RGPD8: variants seen among roughly 807,000 people sequenced by gnomAD.
RGPD8 encodes RANBP2 like and GRIP domain containing 8.
RGPD8 carries 15 observed loss-of-function variants against 89.1 expected under a neutral mutation model. The ratio of observed to expected loss-of-function variants is 0.17; its 90% CI spans 0.11 to 0.26. The LOEUF is 0.26. Ranked by LOEUF, RGPD8 falls within the 10% of genes least tolerant of loss-of-function variation. RGPD8 has a pLI of 1.00. For synonymous variants in RGPD8, 62 were observed against 420.9 expected (o/e 0.15, Z 10.44); for missense variants, 178 against 1,179.6 (o/e 0.15, Z 12.44).
intron 7 of RGPD8, among the ~76,000 whole-genome samples, chr2:112,411,141 C>CT (rs1230856134): frequency 3.3e-5 from 5 of 152,248 alleles, no homozygotes; most frequent in Non-Finnish European, 7.3e-5. Flanking sequence ...GTAATGAATC[C>CT]TTTTTTTTCC....
At chr2:112,431,767 G>C (rs1379822174) in intron 1 of RGPD8, among the ~76,000 whole-genome samples, 1 of 151,976 alleles carries the variant, frequency 6.6e-6, no homozygotes, top group African/African-American at 2.4e-5. Flanking sequence ...CTCCCAGGTA[G>C]CTGGGACTAC....
At position 112,374,610 on chromosome 2, in the gene RGPD8, TTTC is replaced by T. The variant is rs943411452; in HGVS notation, c.5263+3440_5263+3442del. Among the ~76,000 whole-genome samples the T allele has an allele frequency of 3.0e-4, 38 of 125,004 alleles. 2 individuals are homozygous for T. The East Asian group carries it at 7.0e-3, about 23-fold the overall frequency. 82.0% of individuals were successfully genotyped at this position (125,004 alleles called of 152,430 possible). A position where few individuals can be genotyped will look rare whatever the true frequency, so the allele number is the denominator to read the frequency against. The stretch of plus-strand genomic sequence containing the variant: ...TTACTCTTATGTGACTAGAAGTAGA[TTTC>T]TTCTTTTTTTTTTAATACTGCTTGA... On this transcript the variant is annotated intron_variant, in intron 22 of 22. Coordinates refer to ENST00000302558, the MANE Select transcript of RGPD8 (RefSeq NM_001164463.1).
Position 112,433,119 on chromosome 2 carries a change from C to T in RGPD8, c.72+263G>A, listed in dbSNP as rs1275239149. Among the ~76,000 whole-genome samples the T allele has an allele frequency of 1.7e-5, 2 of 115,542 alleles. 1 individual carries two copies. Among genetic ancestry groups the T allele is most frequent in the Non-Finnish European group, 4.1e-5 (2 of 48,984 alleles). 75.8% of individuals were successfully genotyped at this position (115,542 alleles called of 152,430 possible). On this transcript the variant is annotated intron_variant, in intron 1 of 22. Coordinates refer to ENST00000302558, the MANE Select transcript of RGPD8 (RefSeq NM_001164463.1). ...GCCCTCGGGAGCCATGACCCCTGAC[C>T]CATCGAGGCCGCCGCCGGGCCGGGT...
intron 1 of RGPD8, among the ~76,000 whole-genome samples, chr2:112,426,955 C>T (rs905180795): frequency 1.3e-5 from 2 of 151,730 alleles, no homozygotes; most frequent in Non-Finnish European, 2.9e-5. Context: ...CGCCACCATG[C>T]CCAGCTAATT....
intron 1 of RGPD8, among the ~76,000 whole-genome samples, chr2:112,430,914 G>A (rs1363438811): frequency 6.6e-6 from 1 of 152,132 alleles, no homozygotes; most frequent in Non-Finnish European, 1.5e-5. Flanking sequence ...CCACGATCCC[G>A]CCACAGCACT....
intron 18 of RGPD8, among the ~76,000 whole-genome samples, chr2:112,391,738 T>C (rs1446187289): frequency 8.3e-6 from 1 of 120,512 alleles, no homozygotes; most frequent in African/African-American, 2.9e-5. Flanking sequence ...AACTGTTTTA[T>C]GATAGTTTTA....
intron 1 of RGPD8, among the ~76,000 whole-genome samples, chr2:112,431,132 C>G (rs1229346326): frequency 6.6e-6 from 1 of 152,040 alleles, no homozygotes; most frequent in East Asian, 1.9e-4. Flanking sequence ...GGTGGGTACA[C>G]CTGTGGTCCC....
chr2:112,393,664 G>GA (rs1300938201), intron 18 of RGPD8, among the ~76,000 whole-genome samples: 1 of 5,320 alleles, frequency 1.9e-4, no homozygotes, highest in Non-Finnish European at 2.8e-4. Flanking sequence ...GCTAAAAAGA[G>GA]AAAAAAAAAA....
At position 112,433,412 on chromosome 2, in the gene RGPD8, C is replaced by G. The variant is rs779871367; in HGVS notation, c.42G>C (p.Ser14=). ...GAGGCGACGGGGTGAGACCCAGCAC[C>G]GAGGCGACGTACCGCTCCACATCGG... ...SKADVERYVA[S]VLGLTPSPRQ... Residue 14 remains serine, a synonymous_variant, in exon 1 of 23, where the codon TCG becomes TCC. Transcript: ENST00000302558. The G allele has an allele frequency of 3.7e-6, 6 of 1,610,570 alleles. No individual in the cohort carries two copies. Among genetic ancestry groups the G allele is most frequent in the African/African-American group, 2.7e-5 (2 of 74,728 alleles).
rs562705457 is a variant in RGPD8 at position 112,432,756 on chromosome 2, C to T, written c.72+626G>A. ...GGGCCAGGGCGAGCCCACGAGCGAG[C>T]ACCGTCGGGAACAAACCGGGAGAAA... On this transcript the variant is annotated intron_variant, in intron 1 of 22. Transcript: ENST00000302558. 1,861 of 985,250 alleles carry T rather than the reference C, an allele frequency of 1.9e-3. 4 individuals carry two copies. Among genetic ancestry groups the T allele is most frequent in the Admixed American group, 3.7e-3 (60 of 16,286 alleles). The allele number at this position is 985,250 out of a possible 1,614,324, so 61.0% of individuals were successfully genotyped here.
rs572574748 is a variant in RGPD8, at chr2:112,429,080, A to G, written c.72+4302T>C. On this transcript the variant is annotated intron_variant, in intron 1 of 22. Coordinates refer to ENST00000302558, the MANE Select transcript of RGPD8 (RefSeq NM_001164463.1). Reference sequence around the variant, plus strand: ...GTACTGAAAGAATGAGGGGCAAACCAAAGTGTCTGAGGACAGTTTTGGAGG... The same window carrying G: ...GTACTGAAAGAATGAGGGGCAAACCGAAGTGTCTGAGGACAGTTTTGGAGG... 9.3e-3 allele frequency among the ~76,000 whole-genome samples: 1,418 copies of G among 151,864 alleles called. 15 individuals carry two copies. Among genetic ancestry groups the G allele is most frequent in the African/African-American group, 0.032 (1,321 of 41,442 alleles).
intron 1 of RGPD8, among the ~76,000 whole-genome samples, 164 bp downstream of exon 1, chr2:112,433,218 C>A (rs1302648010): frequency 6.5e-5 from 9 of 138,076 alleles, no homozygotes; most frequent in Admixed American, 6.3e-4. Flanking sequence ...CCCATCGAGG[C>A]CGCCGCCGGG....
At chr2:112,374,786 C>G (rs1573987485) in intron 22 of RGPD8, among the ~76,000 whole-genome samples, 2 of 142,784 alleles carry the variant, frequency 1.4e-5, no homozygotes, top group East Asian at 2.2e-4. Context: ...ATGTCTTTTC[C>G]CACTCTTGTT....
At position 112,413,709 on chromosome 2, in the gene RGPD8, T is replaced by C. The variant is rs548239594; in HGVS notation, c.783-1083A>G. Among the ~76,000 whole-genome samples the C allele has an allele frequency of 4.8e-5, 6 of 125,176 alleles. 1 individual carries two copies. The highest frequency in any genetic ancestry group is 2.0e-4 in the African/African-American group (6 of 29,714). 82.1% of individuals were successfully genotyped at this position (125,176 alleles called of 152,430 possible). A position where few individuals can be genotyped will look rare whatever the true frequency, so the allele number is the denominator to read the frequency against. Reference sequence around the variant, plus strand: ...ATGTATGTAGAGCTGACTTTTTTTGTTTTTGTTTTTGGAGACAGAATCTCA... The same window carrying C: ...ATGTATGTAGAGCTGACTTTTTTTGCTTTTGTTTTTGGAGACAGAATCTCA... On this transcript the variant is annotated intron_variant, in intron 6 of 22. Transcript: ENST00000302558.
At chr2:112,402,518 G>GAAAAGAAAAGAAAAT (rs1558981690) in intron 9 of RGPD8, among the ~76,000 whole-genome samples, 2 of 152,180 alleles carry the variant, frequency 1.3e-5, no homozygotes, top group African/African-American at 4.8e-5. Context: ...GAAAAGAAAA[G>GAAAAGAAAAGAAAAT]AAAAGAAAAG....
At chr2:112,431,698 G>A (rs1258070972) in intron 1 of RGPD8, among the ~76,000 whole-genome samples, 1 of 149,828 alleles carries the variant, frequency 6.7e-6, no homozygotes, top group Non-Finnish European at 1.5e-5. Context: ...GTGCAGTAGC[G>A]CGATCTCGGC....
intron 1 of RGPD8, among the ~76,000 whole-genome samples, chr2:112,429,772 G>T (rs6753575): frequency 0.91 from 138,960 of 152,256 alleles, 63,595 homozygotes; most frequent in Middle Eastern, 0.96. Flanking sequence ...AGAAGCCATC[G>T]GGAAAAAGAA....
At chr2:112,381,617 C>A (rs1678300494) in intron 20 of RGPD8, among the ~76,000 whole-genome samples, 1 of 132,048 alleles carries the variant, frequency 7.6e-6, no homozygotes, top group East Asian at 2.2e-4. Flanking sequence ...CAGATTCCCC[C>A]TAAATTTTGA....
intron 1 of RGPD8, among the ~76,000 whole-genome samples, chr2:112,429,379 G>A (rs533897400): frequency 6.7e-4 from 82 of 121,584 alleles, no homozygotes; most frequent in Non-Finnish European, 1.1e-3. Context: ...TCGCGACACT[G>A]CACTCCAGCC....
Sources: allele counts gnomAD v4.1 joint callset (sites outside exome capture counted in the v4.1 genomes callset), GRCh38; gene constraint gnomAD v4.1.1; transcripts MANE v1.5; gene names NCBI Gene and HGNC (gene_info 2026-07-23, HGNC 2026-07-21).